The following CCDC85A variants were observed in gnomAD, a reference collection of about 807,000 sequenced individuals.
CCDC85A encodes coiled-coil domain-containing protein 85A.
Under a neutral mutation model 50.2 loss-of-function variants are expected in CCDC85A, and 38 were observed. That is an observed-to-expected ratio of 0.76 (90% CI 0.58 to 0.99). The LOEUF is 0.99. Ranked by LOEUF, CCDC85A falls within the 50% of genes least tolerant of loss-of-function variation. CCDC85A has a pLI of 0.00. For missense variants in CCDC85A, 820 were observed against 742.0 expected, an observed-to-expected ratio of 1.11 and a Z score of -1.22; for synonymous variants, 366 against 301.4, an observed-to-expected ratio of 1.21 and a Z score of -2.22.
intron 2 of CCDC85A, among the ~76,000 whole-genome samples, chr2:56,266,578 G>GAC (rs71393521): frequency 1.7e-5 from 1 of 60,304 alleles, no homozygotes; most frequent in Admixed American, 3.1e-4. Flanking sequence ...ACAATAACGC[G>GAC]CCCCCCCCCC....
chr2:56,336,580 G>C (rs149618436), intron 2 of CCDC85A, among the ~76,000 whole-genome samples: 121 of 152,302 alleles, frequency 7.9e-4, no homozygotes, highest in Middle Eastern at 3.4e-3. Context: ...TCAGAGGTGT[G>C]ACAAACCTTA....
chr2:56,309,719 G>T (rs750232714), intron 2 of CCDC85A, among the ~76,000 whole-genome samples: 2 of 152,126 alleles, frequency 1.3e-5, no homozygotes, highest in Non-Finnish European at 2.9e-5. Flanking sequence ...GTATCCCAAT[G>T]TAAAAGGTTG....
chr2:56,286,744 G>A (rs1271150739), intron 2 of CCDC85A, among the ~76,000 whole-genome samples: 1 of 152,098 alleles, frequency 6.6e-6, no homozygotes, highest in Non-Finnish European at 1.5e-5. Flanking sequence ...TATGAGTCAT[G>A]TATTTCTACT....
At chr2:56,217,694 A>G (rs545975404) in intron 2 of CCDC85A, among the ~76,000 whole-genome samples, 1 of 151,992 alleles carries the variant, frequency 6.6e-6, no homozygotes, top group East Asian at 1.9e-4. Flanking sequence ...CTTTTTCTAT[A>G]TGCAATAAAA....
At chr2:56,359,027 C>T (rs1675387739) in intron 3 of CCDC85A, among the ~76,000 whole-genome samples, 1 of 150,518 alleles carries the variant, frequency 6.6e-6, no homozygotes, top group East Asian at 1.9e-4. Context: ...TGGTCTTGAA[C>T]TCCTGACCTC....
chr2:56,203,425 C>T (rs1414561725), intron 2 of CCDC85A, among the ~76,000 whole-genome samples: 2 of 151,592 alleles, frequency 1.3e-5, no homozygotes, highest in African/African-American at 4.8e-5. Flanking sequence ...AGTCTTCAGT[C>T]CCTTATTCTA....
At chr2:56,291,512 A>G (rs1156348294) in intron 2 of CCDC85A, among the ~76,000 whole-genome samples, 1 of 152,186 alleles carries the variant, frequency 6.6e-6, no homozygotes, top group African/African-American at 2.4e-5. Context: ...GGCCTCCCTG[A>G]GTAGATGATA....
At chr2:56,351,913 A>T (rs895040306) in intron 3 of CCDC85A, among the ~76,000 whole-genome samples, 11 of 152,178 alleles carry the variant, frequency 7.2e-5, no homozygotes, top group Admixed American at 2.6e-4. Flanking sequence ...TGTTTTAGAC[A>T]TGAAGTCCTT....
intron 2 of CCDC85A, among the ~76,000 whole-genome samples, chr2:56,261,796 C>A (rs975803830): frequency 2.6e-5 from 4 of 152,118 alleles, no homozygotes; most frequent in Admixed American, 6.6e-5. Flanking sequence ...TTGGAGGGTG[C>A]AAATTGTGTT....
At chr2:56,274,233 G>C (rs1191093027) in intron 2 of CCDC85A, among the ~76,000 whole-genome samples, 1 of 152,062 alleles carries the variant, frequency 6.6e-6, no homozygotes, top group Non-Finnish European at 1.5e-5. Flanking sequence ...CTTAACCTGT[G>C]TATTAGGGTT....
At chr2:56,225,437 TA>T (rs1488906800) in intron 2 of CCDC85A, among the ~76,000 whole-genome samples, 1 of 152,076 alleles carries the variant, frequency 6.6e-6, no homozygotes, top group East Asian at 1.9e-4. Context: ...AAAAAAAAAT[TA>T]TTAACCATAA....
intron 2 of CCDC85A, among the ~76,000 whole-genome samples, chr2:56,326,813 C>T (rs1056478437): frequency 6.6e-6 from 1 of 151,818 alleles, no homozygotes; most frequent in Non-Finnish European, 1.5e-5. Flanking sequence ...AGTAATATTC[C>T]TTTACACTAG....
At chr2:56,334,202 T>C (rs1673964101) in intron 2 of CCDC85A, among the ~76,000 whole-genome samples, 1 of 152,186 alleles carries the variant, frequency 6.6e-6, no homozygotes. Flanking sequence ...TTACTGCCTG[T>C]CTTCACCGCT....
At chr2:56,291,492 G>A (rs1286537598) in intron 2 of CCDC85A, among the ~76,000 whole-genome samples, 4 of 152,178 alleles carry the variant, frequency 2.6e-5, no homozygotes, top group Admixed American at 1.3e-4. Flanking sequence ...TGGCTAAGGC[G>A]ATTGGAAAAG....
intron 2 of CCDC85A, among the ~76,000 whole-genome samples, chr2:56,227,941 T>C (rs997387892): frequency 2.0e-5 from 3 of 152,208 alleles, no homozygotes; most frequent in East Asian, 3.9e-4. Context: ...ATAGTACTTA[T>C]CACTCTGTTG....
At chr2:56,215,376 A>G (rs758177100) in intron 2 of CCDC85A, among the ~76,000 whole-genome samples, 2 of 151,786 alleles carry the variant, frequency 1.3e-5, no homozygotes, top group Non-Finnish European at 2.9e-5. Flanking sequence ...GTTTCATACT[A>G]TTTATTTGCT....
intron 2 of CCDC85A, among the ~76,000 whole-genome samples, chr2:56,253,227 T>C (rs1669845283): frequency 6.6e-6 from 1 of 152,148 alleles, no homozygotes; most frequent in African/African-American, 2.4e-5. Context: ...AAGGATAAAC[T>C]GTGATTGAAA....
At position 56,277,660 on chromosome 2, in the gene CCDC85A, C is replaced by A. The variant is rs548398064; in HGVS notation, c.1241-65219C>A. Reference sequence around the variant, plus strand: ...CATTGGTAAATTCACTTATTCCTTCCTCTAACATTTCCTAAGCACCCTCTG... The same window carrying A: ...CATTGGTAAATTCACTTATTCCTTCATCTAACATTTCCTAAGCACCCTCTG... On this transcript the variant is annotated intron_variant, in intron 2 of 5. Coordinates refer to ENST00000407595, the MANE Select transcript of CCDC85A (RefSeq NM_001080433.2). Among the ~76,000 whole-genome samples the A allele has an allele frequency of 7.2e-5, 11 of 152,356 alleles. No individual in the cohort carries two copies. In the East Asian group the frequency reaches 1.9e-3, roughly 27 times the overall value.
intron 1 of CCDC85A, among the ~76,000 whole-genome samples, chr2:56,189,059 C>T (rs887465599): frequency 1.3e-5 from 2 of 152,040 alleles, no homozygotes; most frequent in African/African-American, 4.8e-5. Context: ...TTTTCTGTGC[C>T]GGGGGAAACT....
Sources: gnomAD v4.1 joint callset for allele counts (sites outside exome capture counted in the v4.1 genomes callset) on GRCh38, gnomAD v4.1.1 for gene constraint, MANE v1.5 for transcripts, NCBI Gene and HGNC (gene_info 2026-07-23, HGNC 2026-07-21) for gene names.